RFT1: variants seen among roughly 807,000 people sequenced by gnomAD.
RFT1 encodes man(5)GlcNAc(2)-PP-dolichol translocation protein RFT1.
RFT1 carries 43 observed loss-of-function variants against 62.2 expected under a neutral mutation model. That is an observed-to-expected ratio of 0.69 (90% CI 0.54 to 0.89). The LOEUF (loss-of-function observed/expected upper bound fraction) is 0.89. RFT1 is among the 40% of genes least tolerant of loss of function. The pLI, the probability that RFT1 is intolerant of heterozygous loss-of-function variation, is 0.00. For missense variants in RFT1, 605 were observed against 649.9 expected, an observed-to-expected ratio of 0.93 and a Z score of 0.75; for synonymous variants, 262 against 264.6, an observed-to-expected ratio of 0.99 and a Z score of 0.10.
intron 11 of RFT1, among the ~76,000 whole-genome samples, chr3:53,097,688 A>C (rs1249707057): frequency 6.6e-6 from 1 of 152,262 alleles, no homozygotes; most frequent in East Asian, 1.9e-4. Context: ...TACCGTAACA[A>C]AATTCCCTTC....
chr3:53,084,063 T>C (rs796427547), downstream of RFT1, among the ~76,000 whole-genome samples: 9 of 152,358 alleles, frequency 5.9e-5, no homozygotes, highest in African/African-American at 1.9e-4. Flanking sequence ...CTGGCTGCAA[T>C]GTCTTGATTC....
At chr3:53,105,920 A>C in intron 8 of RFT1, 117 bp from the exon 9 acceptor site, 1 of 1,014,636 alleles carries the variant, frequency 9.9e-7, no homozygotes, top group Non-Finnish European at 1.4e-6. Flanking sequence ...AGATAATTAT[A>C]GATTCACACA....
At chr3:53,126,932 A>AT (rs1702124241) in intron 1 of RFT1, among the ~76,000 whole-genome samples, 1 of 152,210 alleles carries the variant, frequency 6.6e-6, no homozygotes, top group Non-Finnish European at 1.5e-5. Context: ...TGATCTAAGC[A>AT]TATCAATGGA....
the RFT1 span, among the ~76,000 whole-genome samples, chr3:53,074,560 C>A: frequency 6.6e-6 from 1 of 152,046 alleles, no homozygotes; most frequent in Non-Finnish European, 1.5e-5. Context: ...CTTGAGCAGC[C>A]CTCTCTCCTA....
chr3:53,104,133 T>C (rs1253771666), intron 9 of RFT1, 36 bp from the exon 10 acceptor site: 2 of 1,612,510 alleles, frequency 1.2e-6, no homozygotes, highest in East Asian at 4.5e-5. Flanking sequence ...GTTGGATGAA[T>C]CATGAGCTGA....
intron 7 of RFT1, among the ~76,000 whole-genome samples, chr3:53,107,187 G>A (rs573694220): frequency 6.7e-6 from 1 of 149,454 alleles, no homozygotes; most frequent in East Asian, 2.0e-4. Flanking sequence ...CCAGGCTGGA[G>A]TACAGTGGCA....
intron 6 of RFT1, 43 bp from the exon 7 acceptor site, chr3:53,111,951 G>C (rs1701665589): frequency 6.7e-7 from 1 of 1,491,094 alleles, no homozygotes; most frequent in African/African-American, 1.4e-5. Context: ...CACAGGCGTT[G>C]CAAGTCTAAG....
At chr3:53,129,098 T>C (rs1702189900) in intron 1 of RFT1, among the ~76,000 whole-genome samples, 1 of 152,218 alleles carries the variant, frequency 6.6e-6, no homozygotes, top group African/African-American at 2.4e-5. Flanking sequence ...AACTCAGTTA[T>C]TTATGTAGTG....
chr3:53,067,018 C>T, the RFT1 span, among the ~76,000 whole-genome samples: 9 of 152,132 alleles, frequency 5.9e-5, no homozygotes, highest in Admixed American at 3.3e-4. Flanking sequence ...CACAGGGCAG[C>T]GTGGAGGAAT....
chr3:53,079,796 G>A, the RFT1 span, among the ~76,000 whole-genome samples: 2 of 152,284 alleles, frequency 1.3e-5, no homozygotes, highest in East Asian at 3.9e-4. Context: ...TCTTAACCTG[G>A]CATCCTACAT....
chr3:53,099,676 C>T (rs1701256067), intron 10 of RFT1, among the ~76,000 whole-genome samples, 190 bp from the exon 11 acceptor site: 1 of 152,158 alleles, frequency 6.6e-6, no homozygotes, highest in Non-Finnish European at 1.5e-5. Context: ...ATGGCATTGA[C>T]TAAATAATCA....
chr3:53,123,799 T>C lies in RFT1; in HGVS notation c.191A>G (p.Glu64Gly). 1 of 1,614,110 alleles carries C rather than the reference T, an allele frequency of 6.2e-7. No homozygotes were observed. Among genetic ancestry groups the C allele is most frequent in the Non-Finnish European group, 8.5e-7 (1 of 1,180,012 alleles). Residue 64 changes from glutamate to glycine, a missense_variant, in exon 3 of 13, where the codon GAG becomes GGG. Transcript: ENST00000296292. Reference sequence around the variant, plus strand: ...ACTGAGACATGCTCTGCGGAAGGCCTCTCTGGCCAGGAAGAGGGTGGTTGA... The same window carrying C: ...ACTGAGACATGCTCTGCGGAAGGCCCCTCTGGCCAGGAAGAGGGTGGTTGA... ...LYSTTLFLAR[E>G]AFRRACLSGG...
chr3:53,091,772 G>A lies in RFT1; in HGVS notation c.*131C>T. The A allele has an allele frequency of 2.1e-6, 2 of 937,050 alleles. No homozygotes were observed. The highest frequency in any genetic ancestry group is 3.4e-6 in the Non-Finnish European group (2 of 584,832). The allele number at this position is 937,050 out of a possible 1,614,324, so 58.0% of individuals were successfully genotyped here. On this transcript the variant is annotated 3_prime_UTR_variant, in exon 13 of 13. Transcript: ENST00000296292. ...GGTGTCTCATGCAGTGGCACTCTCT[G>A]GTGCCTCATCTCTGGGGTTGCTGTC...
At chr3:53,085,344 C>G (rs1374406903), downstream of RFT1, among the ~76,000 whole-genome samples, 1 of 152,222 alleles carries the variant, frequency 6.6e-6, no homozygotes, top group African/African-American at 2.4e-5. Context: ...CCTCCCTGCT[C>G]CTGGCATCCC....
the RFT1 span, among the ~76,000 whole-genome samples, chr3:53,072,594 A>G: frequency 6.6e-6 from 1 of 152,170 alleles, no homozygotes; most frequent in Non-Finnish European, 1.5e-5. Flanking sequence ...CTCTCTGCCA[A>G]TGTAGGAGCC....
At chr3:53,129,013 G>A (rs529110647) in intron 1 of RFT1, among the ~76,000 whole-genome samples, 9 of 151,916 alleles carry the variant, frequency 5.9e-5, no homozygotes, top group South Asian at 2.1e-4. Flanking sequence ...ACTTGTTTTC[G>A]TTTTATGAAG....
intron 10 of RFT1, chr3:53,102,984 A>G (rs773347796): frequency 4.7e-6 from 2 of 428,194 alleles, no homozygotes; most frequent in Non-Finnish European, 6.2e-6. Flanking sequence ...TGCCTTCCTC[A>G]TGAGGCCTCC....
chr3:53,108,605 A>C (rs949589748), intron 7 of RFT1, among the ~76,000 whole-genome samples: 1 of 150,722 alleles, frequency 6.6e-6, no homozygotes, highest in Non-Finnish European at 1.5e-5. Context: ...TGTTGGCCAG[A>C]CTGGTCTTGC....
At chr3:53,108,146 A>C (rs759033368) in intron 7 of RFT1, among the ~76,000 whole-genome samples, 1 of 151,940 alleles carries the variant, frequency 6.6e-6, no homozygotes, top group Admixed American at 6.6e-5. Context: ...CCTCCCAGAC[A>C]TAAGAGATTC....
Sources: allele counts gnomAD v4.1 joint callset (sites outside exome capture counted in the v4.1 genomes callset), GRCh38; gene constraint gnomAD v4.1.1; transcripts MANE v1.5; gene names NCBI Gene and HGNC (gene_info 2026-07-23, HGNC 2026-07-21).